The following EML6 variants were observed in gnomAD, a reference collection of about 807,000 sequenced individuals.
The protein encoded by EML6 is echinoderm microtubule-associated protein-like 6.
Under a neutral mutation model 240.1 loss-of-function variants are expected in EML6, and 154 were observed. That is an observed-to-expected ratio of 0.64 (90% CI 0.56 to 0.73). The LOEUF (loss-of-function observed/expected upper bound fraction) is 0.73. Among genes scored for constraint, EML6 ranks in the 30% least tolerant of loss-of-function variants. EML6 has a pLI of 0.00. For synonymous variants in EML6, 1,148 were observed against 899.0 expected (o/e 1.28, Z -4.95); for missense variants, 2,964 against 2,474.6 (o/e 1.20, Z -4.20).
At chr2:54,960,087 C>A (rs1676425163) in intron 34 of EML6, 133 bp from the exon 35 acceptor site, 7 of 671,076 alleles carry the variant, frequency 1.0e-5, no homozygotes, top group Non-Finnish European at 1.8e-5. Flanking sequence ...AGGGTCTGGA[C>A]CCTGGAGGGT....
chr2:54,917,811 C>T (rs920774739), intron 26 of EML6, among the ~76,000 whole-genome samples: 1 of 152,138 alleles, frequency 6.6e-6, no homozygotes, highest in South Asian at 2.1e-4. Flanking sequence ...TCAGCCATTT[C>T]CCATATTCGA....
In EML6 at chr2:54,948,882, A is replaced by C. The variant is rs1388652527; in HGVS notation, c.4005A>C (p.Arg1335Ser). The change falls in exon 29 of 42, where the codon AGA becomes AGC. Residue 1335 changes from arginine (R) to serine (S), a missense_variant and splice_region_variant. Physicochemically the swap from Arg to Ser is moderately radical, Grantham distance 110. Transcript: ENST00000356458. Reference sequence around the variant, plus strand: ...TTCCTCTGGCCGCTCTCTCTTCCAGACCACCCGTTAGCCGAGCAGCTCCCC... The same window carrying C: ...TTCCTCTGGCCGCTCTCTCTTCCAGCCCACCCGTTAGCCGAGCAGCTCCCC... ...QQLKEVSVEERPPVSRAAPQP... is the reference protein window; with the variant it reads ...QQLKEVSVEESPPVSRAAPQP... 6.4e-7 allele frequency: 1 copy of C among 1,551,208 alleles called. No individual in the cohort carries two copies. Among genetic ancestry groups the C allele is most frequent in the African/African-American group, 1.4e-5 (1 of 73,162 alleles).
intron 2 of EML6, among the ~76,000 whole-genome samples, chr2:54,784,602 C>T (rs1668996668): frequency 6.6e-6 from 1 of 152,186 alleles, no homozygotes; most frequent in Non-Finnish European, 1.5e-5. Flanking sequence ...AACTTAACTA[C>T]TAATAGCATG....
At chr2:54,887,018 T>G (rs1471061790) in intron 17 of EML6, among the ~76,000 whole-genome samples, 1 of 152,238 alleles carries the variant, frequency 6.6e-6, no homozygotes, top group African/African-American at 2.4e-5. Context: ...TGCTTTTTAT[T>G]ATTCCCATTA....
At chr2:54,851,521 A>C (rs1670090098) in intron 10 of EML6, among the ~76,000 whole-genome samples, 1 of 152,212 alleles carries the variant, frequency 6.6e-6, no homozygotes, top group African/African-American at 2.4e-5. Flanking sequence ...GATTTGTTGA[A>C]ACTGTGGTGC....
chr2:54,970,042 C>T, intron 41 of EML6, 29 bp from the exon 42 acceptor site: 1 of 1,551,462 alleles, frequency 6.4e-7, no homozygotes. Context: ...TCCAGCTATG[C>T]AAAATGACTG....
chr2:54,874,633 A>G (rs898535115), intron 16 of EML6, among the ~76,000 whole-genome samples: 1 of 152,192 alleles, frequency 6.6e-6, no homozygotes, highest in South Asian at 2.1e-4. Context: ...ACTAAGGACT[A>G]TTGTGGAAAA....
At chr2:54,797,167 A>AAAAAAAAAAAAAAAAAAAACAAC (rs1669839206) in intron 2 of EML6, among the ~76,000 whole-genome samples, 1 of 114,020 alleles carries the variant, frequency 8.8e-6, no homozygotes, top group East Asian at 2.3e-4. Context: ...TCCATCTCAA[A>AAAAAAAAAAAAAAAAAAAACAAC]AAAAAAAAAA....
intron 8 of EML6, 146 bp from the exon 9 acceptor site, chr2:54,847,340 A>C (rs1388964272): frequency 4.3e-6 from 3 of 700,750 alleles, no homozygotes; most frequent in African/African-American, 3.6e-5. Context: ...ACACTCGCTG[A>C]CAGGCCATGA....
At chr2:54,937,970 A>G (rs1675235952) in intron 28 of EML6, among the ~76,000 whole-genome samples, 1 of 152,240 alleles carries the variant, frequency 6.6e-6, no homozygotes, top group Admixed American at 6.5e-5. Flanking sequence ...GGTTTGCTTT[A>G]ATCCCACTTC....
intron 9 of EML6, 141 bp downstream of exon 9, chr2:54,847,764 T>A: frequency 1.1e-6 from 1 of 930,514 alleles, no homozygotes; most frequent in South Asian, 1.8e-5. Context: ...TACGATCCCC[T>A]ATCTGTAATT....
chr2:54,801,157 A>T (rs1029425793), intron 2 of EML6, among the ~76,000 whole-genome samples: 2 of 151,906 alleles, frequency 1.3e-5, no homozygotes, highest in African/African-American at 4.8e-5. Flanking sequence ...CGTCTCTACT[A>T]AAAATACAAA....
rs1553380348 is a variant in EML6, at chr2:54,797,167, A to AAAAAAAACAAAAAAAAAAAAAC, written c.198-16058_198-16057insCAAAAAAAAAAAAACAAAAAAA. Reference sequence around the variant, plus strand: ...GTGACAGAGCAAGACTCCATCTCAAAAAAAAAAAAAAAAAAAAAAAAACTG... The same window carrying AAAAAAAACAAAAAAAAAAAAAC: ...GTGACAGAGCAAGACTCCATCTCAAAAAAAAAACAAAAAAAAAAAAACAAAAAAAAAAAAAAAAAAAAAACTG... On this transcript the variant is annotated intron_variant, in intron 2 of 41. Coordinates refer to ENST00000356458, the MANE Select transcript of EML6 (RefSeq NM_001039753.4). Among the ~76,000 whole-genome samples the AAAAAAAACAAAAAAAAAAAAAC allele has an allele frequency of 2.6e-4, 30 of 114,084 alleles. 2 individuals carry two copies. In the East Asian group the frequency reaches 6.0e-3, roughly 23 times the overall value. The allele number at this position is 114,084 out of a possible 152,430, so 74.8% of individuals were successfully genotyped here.
At chr2:54,781,326 A>T (rs1011259329) in intron 2 of EML6, among the ~76,000 whole-genome samples, 5 of 152,204 alleles carry the variant, frequency 3.3e-5, no homozygotes, top group African/African-American at 1.2e-4. Context: ...TCTGTGGCCA[A>T]TAAATCGCAT....
chr2:54,965,945 A>C (rs1676728541), intron 38 of EML6, among the ~76,000 whole-genome samples: 1 of 152,262 alleles, frequency 6.6e-6, no homozygotes, highest in African/African-American at 2.4e-5. Context: ...ACCATAAACT[A>C]TAAACTTTCT....
chr2:54,930,756 C>G (rs895551946), intron 28 of EML6, among the ~76,000 whole-genome samples: 1 of 152,154 alleles, frequency 6.6e-6, no homozygotes, highest in African/African-American at 2.4e-5. Context: ...AGAGCACACA[C>G]TGCCAGCTGC....
chr2:54,839,196 A>G (rs1669312464), intron 7 of EML6, among the ~76,000 whole-genome samples: 1 of 152,188 alleles, frequency 6.6e-6, no homozygotes, highest in Non-Finnish European at 1.5e-5. Context: ...CCATTCACCA[A>G]GGTCTCACCA....
chr2:54,863,768 G>T lies in EML6; in HGVS notation c.1826-15G>T. 2 of 1,432,622 alleles carry T rather than the reference G, an allele frequency of 1.4e-6. No homozygotes were observed. The highest frequency in any genetic ancestry group is 1.3e-5 in the South Asian group (1 of 79,194). The allele number at this position is 1,432,622 out of a possible 1,614,324, so 88.7% of individuals were successfully genotyped here. On this transcript the variant is annotated splice_polypyrimidine_tract_variant and intron_variant, in intron 12 of 41. Transcript: ENST00000356458. ...CAGAATTTTTGCTTGTTTCTTGTGG[G>T]TTGTATCTCTGCAGAAGGTGGAGCT...
intron 28 of EML6, among the ~76,000 whole-genome samples, chr2:54,939,222 C>T (rs1675302391): frequency 6.6e-6 from 1 of 152,194 alleles, no homozygotes. Flanking sequence ...AGTTGGCCTC[C>T]CTGGTCATCC....
Sources: allele counts gnomAD v4.1 joint callset (sites outside exome capture counted in the v4.1 genomes callset), GRCh38; gene constraint gnomAD v4.1.1; transcripts MANE v1.5; gene names NCBI Gene and HGNC (gene_info 2026-07-23, HGNC 2026-07-21).